PCDHA6: variants seen among roughly 807,000 people sequenced by gnomAD.
The protein encoded by PCDHA6 is protocadherin alpha-6.
In PCDHA6, 55 loss-of-function variants were observed where a neutral mutation model predicts 60.3. That is an observed-to-expected ratio of 0.91 (90% CI 0.73 to 1.14). The LOEUF is 1.14. Ranked by LOEUF, PCDHA6 falls within the 50% of genes most tolerant of loss-of-function variation. The pLI, the probability that PCDHA6 is intolerant of heterozygous loss-of-function variation, is 0.00. For missense variants in PCDHA6, 1,327 were observed against 1,256.5 expected (o/e 1.06, Z -0.85); for synonymous variants, 652 against 557.9 (o/e 1.17, Z -2.38).
At chr5:140,986,668 A>C (rs927109652) in intron 3 of PCDHA6, among the ~76,000 whole-genome samples, 15 of 152,192 alleles carry the variant, frequency 9.9e-5, no homozygotes, top group African/African-American at 3.6e-4. Context: ...CACAGTTTTC[A>C]GAAGAGTTCA....
chr5:140,973,468 C>T (rs2096588845), intron 1 of PCDHA6, among the ~76,000 whole-genome samples: 1 of 152,202 alleles, frequency 6.6e-6, no homozygotes, highest in East Asian at 1.9e-4. Context: ...TTTTAGTTTG[C>T]AAATTTCATA....
chr5:140,907,863 C>T (rs763021038), intron 1 of PCDHA6, among the ~76,000 whole-genome samples: 4 of 152,208 alleles, frequency 2.6e-5, no homozygotes, highest in African/African-American at 7.2e-5. Context: ...TGAGGCCAGC[C>T]GTTGGTGAGC....
At chr5:140,877,456 A>G (rs782196648) in intron 1 of PCDHA6, 18 of 1,613,802 alleles carry the variant, frequency 1.1e-5, no homozygotes, top group Non-Finnish European at 1.5e-5. Flanking sequence ...GCTGACGTCC[A>G]CGGCCACGGT....
chr5:140,975,202 T>G (rs143285430), intron 1 of PCDHA6, among the ~76,000 whole-genome samples: 4 of 152,352 alleles, frequency 2.6e-5, no homozygotes, highest in African/African-American at 7.2e-5. Flanking sequence ...TCCATCTTCA[T>G]GGCTGGCACT....
At chr5:140,850,367 GGGGCTGT>G (rs1332786840) in intron 1 of PCDHA6, 1 of 1,597,800 alleles carries the variant, frequency 6.3e-7, no homozygotes, top group Non-Finnish European at 8.6e-7. Context: ...CGTTCCGCGT[GGGGCTGT>G]ACACGGGCGA....
Position 140,995,742 on chromosome 5 carries a change from A to G in PCDHA6, c.2542+13179A>G, listed in dbSNP as rs1354360972. Among the ~76,000 whole-genome samples the G allele has an allele frequency of 7.2e-5, 11 of 152,280 alleles. No individual in the cohort carries two copies. In the East Asian group the frequency reaches 2.1e-3, roughly 29 times the overall value. On this transcript the variant is annotated intron_variant, in intron 3 of 3. Coordinates refer to ENST00000529310, the MANE Select transcript of PCDHA6 (RefSeq NM_018909.4). Reference sequence around the variant, plus strand: ...CTTAGGTAATCCTGGTGGATTTGGTATATCATGTCTGAGAAAATGTGGAGA... The same window carrying G: ...CTTAGGTAATCCTGGTGGATTTGGTGTATCATGTCTGAGAAAATGTGGAGA...
Position 141,010,035 on chromosome 5 carries a change from G to A in PCDHA6, c.*98G>A. 7 of 1,582,518 alleles carry A rather than the reference G, an allele frequency of 4.4e-6. No individual in the cohort carries two copies. The South Asian group carries it at 7.1e-5, about 16-fold the overall frequency. ...CTGCTCCTTTTTCCTATCTACATGAGCCCTCTTAGAGACCTCAGAAATCTG... is the reference window on the plus strand; with the variant it reads ...CTGCTCCTTTTTCCTATCTACATGAACCCTCTTAGAGACCTCAGAAATCTG... On this transcript the variant is annotated 3_prime_UTR_variant, in exon 4 of 4. Coordinates refer to ENST00000529310, the MANE Select transcript of PCDHA6 (RefSeq NM_018909.4).
chr5:140,999,687 A>G (rs1554256930), intron 3 of PCDHA6, among the ~76,000 whole-genome samples: 2 of 152,044 alleles, frequency 1.3e-5, no homozygotes, highest in Non-Finnish European at 2.9e-5. Flanking sequence ...AGAAAGAAGA[A>G]ATGTGATTTT....
At chr5:140,869,149 C>A in intron 1 of PCDHA6, 3 of 1,613,754 alleles carry the variant, frequency 1.9e-6, no homozygotes, top group Non-Finnish European at 2.5e-6. Flanking sequence ...ACGACTACAG[C>A]TCTGGCTTCT....
intron 1 of PCDHA6, among the ~76,000 whole-genome samples, chr5:140,887,409 T>C (rs1203976948): frequency 6.6e-6 from 1 of 152,184 alleles, no homozygotes; most frequent in African/African-American, 2.4e-5. Context: ...TATCTCATTT[T>C]TATTTTTGAA....
chr5:140,951,321 A>AT (rs2094571430), intron 1 of PCDHA6, among the ~76,000 whole-genome samples: 1 of 152,098 alleles, frequency 6.6e-6, no homozygotes, highest in Non-Finnish European at 1.5e-5. Context: ...TATTCTTGAG[A>AT]TTCATCATTC....
At chr5:140,913,282 AG>A (rs1231451737) in intron 1 of PCDHA6, among the ~76,000 whole-genome samples, 20 of 152,154 alleles carry the variant, frequency 1.3e-4, no homozygotes, top group African/African-American at 4.6e-4. Flanking sequence ...TGGTCTGTTT[AG>A]GTTTTAATTT....
chr5:140,880,790 T>C (rs2058480985), intron 1 of PCDHA6, among the ~76,000 whole-genome samples: 1 of 152,190 alleles, frequency 6.6e-6, no homozygotes, highest in African/African-American at 2.4e-5. Flanking sequence ...AGAGGAGTAA[T>C]ATAAATAGGT....
intron 3 of PCDHA6, among the ~76,000 whole-genome samples, chr5:140,992,707 C>T (rs1554253127): frequency 1.3e-5 from 2 of 152,056 alleles, no homozygotes; most frequent in Admixed American, 1.3e-4. Flanking sequence ...AATGTTCCTG[C>T]CAGTATTCGT....
chr5:140,915,138 G>A (rs139042327), intron 1 of PCDHA6, among the ~76,000 whole-genome samples: 2,353 of 151,838 alleles, frequency 0.015, 60 homozygotes, highest in African/African-American at 0.053. Context: ...TAGTAGAGAC[G>A]GGGTTTCACC....
chr5:140,917,332 G>GA, intron 1 of PCDHA6, among the ~76,000 whole-genome samples: 1 of 145,644 alleles, frequency 6.9e-6, no homozygotes, highest in Non-Finnish European at 1.5e-5. Context: ...GGCGGGGGAG[G>GA]GGGGGGATGG....
At chr5:140,947,647 A>G (rs1192426462) in intron 1 of PCDHA6, among the ~76,000 whole-genome samples, 1 of 151,646 alleles carries the variant, frequency 6.6e-6, no homozygotes, top group African/African-American at 2.4e-5. Flanking sequence ...ATGAACATAT[A>G]TACCTCCATT....
At chr5:140,870,029 A>T (rs1201766971) in intron 1 of PCDHA6, 4 of 1,613,792 alleles carry the variant, frequency 2.5e-6, no homozygotes, top group Non-Finnish European at 3.4e-6. Flanking sequence ...ACTTTAGATT[A>T]TGAAGAAAAC....
chr5:140,987,336 A>G (rs2097249605), intron 3 of PCDHA6, among the ~76,000 whole-genome samples: 1 of 152,200 alleles, frequency 6.6e-6, no homozygotes, highest in Admixed American at 6.5e-5. Context: ...GAACTGGTCT[A>G]AGGTAAATAT....
Sources: allele counts gnomAD v4.1 joint callset (sites outside exome capture counted in the v4.1 genomes callset), GRCh38; gene constraint gnomAD v4.1.1; transcripts MANE v1.5; gene names NCBI Gene and HGNC (gene_info 2026-07-23, HGNC 2026-07-21).